LUZP2: variants seen among roughly 807,000 people sequenced by gnomAD.
LUZP2 encodes leucine zipper protein 2.
LUZP2 carries 52 observed loss-of-function variants against 51.6 expected under a neutral mutation model. The ratio of observed to expected loss-of-function variants is 1.01; its 90% CI spans 0.81 to 1.27. The LOEUF is 1.27. Among genes scored for constraint, LUZP2 ranks in the 50% most tolerant of loss-of-function variants. The pLI, the probability that LUZP2 is intolerant of heterozygous loss-of-function variation, is 0.00. For missense variants in LUZP2, 436 were observed against 395.4 expected (o/e 1.10, Z -0.87); for synonymous variants, 154 against 137.3 (o/e 1.12, Z -0.85).
chr11:25,071,983 A>G (rs1211488479), intron 10 of LUZP2, among the ~76,000 whole-genome samples: 2 of 152,110 alleles, frequency 1.3e-5, no homozygotes, highest in South Asian at 2.1e-4. Context: ...TATGTCACGC[A>G]CATACACTAA....
At chr11:24,534,837 A>T (rs2133832021) in intron 1 of LUZP2, among the ~76,000 whole-genome samples, 1 of 151,534 alleles carries the variant, frequency 6.6e-6, no homozygotes, top group South Asian at 2.1e-4. Flanking sequence ...TTATAACGAT[A>T]ATGTGACTAT....
intron 1 of LUZP2, chr11:24,701,214 CA>C: frequency 6.4e-6 from 1 of 155,456 alleles, no homozygotes. Context: ...TCCAGCTTTG[CA>C]AAGGCTCTTC....
At chr11:25,038,980 T>G (rs1043464817) in intron 9 of LUZP2, among the ~76,000 whole-genome samples, 2 of 152,152 alleles carry the variant, frequency 1.3e-5, no homozygotes, top group South Asian at 2.1e-4. Flanking sequence ...GGGTGGTTGA[T>G]AAGCTCTTAG....
intron 7 of LUZP2, among the ~76,000 whole-genome samples, chr11:24,927,500 C>T (rs946301020): frequency 2.6e-5 from 4 of 151,626 alleles, no homozygotes; most frequent in Non-Finnish European, 5.9e-5. Context: ...TTAGGGTGTC[C>T]TTTCCCCACT....
At chr11:24,617,857 T>C (rs1854341977) in intron 1 of LUZP2, among the ~76,000 whole-genome samples, 1 of 151,772 alleles carries the variant, frequency 6.6e-6, no homozygotes, top group South Asian at 2.1e-4. Context: ...CAATAATAAA[T>C]AAATAAATAA....
intron 7 of LUZP2, among the ~76,000 whole-genome samples, chr11:24,946,359 T>G (rs576911455): frequency 6.6e-6 from 1 of 152,098 alleles, no homozygotes; most frequent in South Asian, 2.1e-4. Context: ...ATAATTAGAT[T>G]TGTGTGTCAT....
intron 1 of LUZP2, among the ~76,000 whole-genome samples, chr11:24,665,618 C>G (rs1034070598): frequency 6.6e-6 from 1 of 152,246 alleles, no homozygotes; most frequent in Admixed American, 6.5e-5. Context: ...TCCCCCCATG[C>G]TATTCTCATG....
intron 5 of LUZP2, among the ~76,000 whole-genome samples, chr11:24,796,114 C>G (rs576379213): frequency 1.3e-5 from 2 of 151,874 alleles, no homozygotes; most frequent in East Asian, 1.9e-4. Flanking sequence ...AATTTTGGAC[C>G]CAGCCAGAAT....
At chr11:24,976,774 C>G (rs943717023) in intron 8 of LUZP2, 109 bp downstream of exon 8, 22 of 581,294 alleles carry the variant, frequency 3.8e-5, no homozygotes, top group Non-Finnish European at 5.6e-5. Flanking sequence ...TAATGTGTTT[C>G]TAGATGCTGT....
chr11:25,025,773 C>T (rs1030521958), intron 9 of LUZP2, among the ~76,000 whole-genome samples: 23 of 152,144 alleles, frequency 1.5e-4, no homozygotes, highest in African/African-American at 5.6e-4. Context: ...TAGCATTTGA[C>T]CCAGCCATCC....
At chr11:24,758,131 A>C (rs1403130613) in intron 4 of LUZP2, among the ~76,000 whole-genome samples, 1 of 152,162 alleles carries the variant, frequency 6.6e-6, no homozygotes, top group Non-Finnish European at 1.5e-5. Context: ...TCATTAATGA[A>C]TGTAGATGTA....
chr11:24,736,549 T>C (rs1858946976), intron 3 of LUZP2, among the ~76,000 whole-genome samples: 1 of 151,576 alleles, frequency 6.6e-6, no homozygotes, highest in Non-Finnish European at 1.5e-5. Flanking sequence ...TAGTAACTCT[T>C]TATAGTTTGA....
At chr11:25,054,948 TG>T (rs1565288945) in intron 10 of LUZP2, among the ~76,000 whole-genome samples, 2 of 3,396 alleles carry the variant, frequency 5.9e-4, no homozygotes, top group Non-Finnish European at 1.3e-3. Flanking sequence ...TTAATAATAC[TG>T]TTTTTTTTTC....
At chr11:25,016,389 T>C (rs186742548) in intron 9 of LUZP2, among the ~76,000 whole-genome samples, 6 of 152,198 alleles carry the variant, frequency 3.9e-5, no homozygotes, top group South Asian at 2.1e-4. Flanking sequence ...TCAGCTACAA[T>C]TGAGAACCTA....
At chr11:24,978,848 G>C (rs752771699) in intron 8 of LUZP2, among the ~76,000 whole-genome samples, 16 of 151,706 alleles carry the variant, frequency 1.1e-4, no homozygotes, top group Admixed American at 2.0e-4. Flanking sequence ...GGTTAGTGTA[G>C]AGTTGTTCCT....
At chr11:24,908,326 T>A (rs1853523691) in intron 6 of LUZP2, among the ~76,000 whole-genome samples, 2 of 152,186 alleles carry the variant, frequency 1.3e-5, no homozygotes, top group Non-Finnish European at 2.9e-5. Context: ...TGTTTGAACA[T>A]GAAATTATAA....
chr11:24,786,697 A>ACG (rs1357245024), intron 5 of LUZP2: 2 of 148,418 alleles, frequency 1.3e-5, no homozygotes, highest in African/African-American at 2.4e-5. Context: ...ATATATAAAT[A>ACG]TGTATATTAT....
chr11:24,566,937 ATACATAAATATATATATAT>A (rs1449516673), intron 1 of LUZP2, among the ~76,000 whole-genome samples: 11 of 2,444 alleles, frequency 4.5e-3, no homozygotes, highest in African/African-American at 0.016. Context: ...GTATATATAT[ATACATAAATATATATATAT>A]ATTTATATAT....
chr11:24,686,642 G>A (rs1856904510), intron 1 of LUZP2, among the ~76,000 whole-genome samples: 1 of 151,950 alleles, frequency 6.6e-6, no homozygotes, highest in African/African-American at 2.4e-5. Context: ...ATTTATAAAG[G>A]GAATACCTAC....
Sources: allele counts gnomAD v4.1 joint callset (sites outside exome capture counted in the v4.1 genomes callset), GRCh38; gene constraint gnomAD v4.1.1; transcripts MANE v1.5; gene names NCBI Gene and HGNC (gene_info 2026-07-23, HGNC 2026-07-21).